Variants in GLDN observed in about 807,000 individuals in gnomAD.
GLDN encodes collomin.
GLDN carries 47 observed loss-of-function variants against 56.5 expected under a neutral mutation model. That is an observed-to-expected ratio of 0.83 (90% CI 0.66 to 1.06). The LOEUF (loss-of-function observed/expected upper bound fraction) is 1.06. Among genes scored for constraint, GLDN ranks in the 50% least tolerant of loss-of-function variants. GLDN has a pLI of 0.00. For synonymous variants in GLDN, 332 were observed against 278.8 expected, an observed-to-expected ratio of 1.19 and a Z score of -1.90; for missense variants, 782 against 714.3, an observed-to-expected ratio of 1.09 and a Z score of -1.08.
chr15:51,390,855 C>T (rs1469487533), intron 4 of GLDN, among the ~76,000 whole-genome samples: 3 of 152,020 alleles, frequency 2.0e-5, no homozygotes, highest in African/African-American at 4.8e-5. Flanking sequence ...CAGAATGTGC[C>T]AACTCAAAGC....
In GLDN at chr15:51,405,751, C is replaced by T. The variant is rs1256281000; in HGVS notation, c.*997C>T. ...ACCATGGGAAGCACTTTGCAGTGTT[C>T]AGAAGAGAGGCTCCATTTGTGGCTA... On this transcript the variant is annotated 3_prime_UTR_variant, in exon 10 of 10. Transcript: ENST00000335449. 1 of 152,208 alleles carries T rather than the reference C, an allele frequency of 6.6e-6. No homozygotes were observed. Among genetic ancestry groups the T allele is most frequent in the Admixed American group, 6.5e-5 (1 of 15,284 alleles). 9.4% of individuals were successfully genotyped at this position (152,208 alleles called of 1,614,324 possible). A position where few individuals can be genotyped will look rare whatever the true frequency, so the allele number is the denominator to read the frequency against.
chr15:51,388,726 C>T (rs1225820142), intron 4 of GLDN, among the ~76,000 whole-genome samples: 2 of 152,220 alleles, frequency 1.3e-5, no homozygotes, highest in African/African-American at 2.4e-5. Flanking sequence ...TGCTCTTAAC[C>T]ACAGTGACAC....
At chr15:51,377,352 G>T in intron 1 of GLDN, 97 bp from the exon 2 acceptor site, 1 of 1,008,976 alleles carries the variant, frequency 9.9e-7, no homozygotes, top group Non-Finnish European at 1.5e-6. Flanking sequence ...AAAGTTACTT[G>T]GTGACTTTTT....
At chr15:51,411,363 G>A (rs1356204697), downstream of GLDN, among the ~76,000 whole-genome samples, 3 of 152,232 alleles carry the variant, frequency 2.0e-5, no homozygotes, top group Admixed American at 6.5e-5. Flanking sequence ...GCTATGCCAA[G>A]GTTAGAACAT....
intron 1 of GLDN, among the ~76,000 whole-genome samples, chr15:51,352,938 C>CA (rs71127195): frequency 0.3 from 45,777 of 152,040 alleles, 8,874 homozygotes; most frequent in African/African-American, 0.53. Context: ...CTTTGTAAAA[C>CA]AAAAAAATTA....
intron 1 of GLDN, among the ~76,000 whole-genome samples, chr15:51,358,530 G>C (rs2037230150): frequency 6.6e-6 from 1 of 152,108 alleles, no homozygotes; most frequent in African/African-American, 2.4e-5. Flanking sequence ...AACAAGTGCG[G>C]GCAAAACTGC....
chr15:51,352,534 G>A (rs1292418883), intron 1 of GLDN, among the ~76,000 whole-genome samples: 1 of 152,108 alleles, frequency 6.6e-6, no homozygotes, highest in Non-Finnish European at 1.5e-5. Flanking sequence ...CAACTTGTCT[G>A]TTCATCTGTG....
intron 1 of GLDN, among the ~76,000 whole-genome samples, chr15:51,353,684 G>C (rs1396458568): frequency 5.7e-5 from 8 of 140,504 alleles, no homozygotes; most frequent in African/African-American, 2.2e-4. Context: ...TGCCAATGTG[G>C]GAACTATCAG....
intron 7 of GLDN, 48 bp from the exon 8 acceptor site, chr15:51,400,325 A>G (rs770636789): frequency 6.2e-7 from 1 of 1,614,144 alleles, no homozygotes; most frequent in South Asian, 1.1e-5. Context: ...GAATACCTTC[A>G]AGTCATAATT....
intron 1 of GLDN, among the ~76,000 whole-genome samples, chr15:51,353,433 T>C (rs1798765449): frequency 6.6e-6 from 1 of 152,224 alleles, no homozygotes; most frequent in Non-Finnish European, 1.5e-5. Flanking sequence ...TGGGTAGTTA[T>C]GCCTCTGCGT....
chr15:51,399,425 C>T (rs1223714748), intron 6 of GLDN, among the ~76,000 whole-genome samples: 1 of 152,218 alleles, frequency 6.6e-6, no homozygotes, highest in African/African-American at 2.4e-5. Flanking sequence ...CTCCTCCCTC[C>T]TCTCCCTCAG....
intron 9 of GLDN, 61 bp from the exon 10 acceptor site, chr15:51,404,216 T>A (rs1486087957): frequency 1.5e-6 from 2 of 1,340,496 alleles, no homozygotes; most frequent in African/African-American, 1.5e-5. Context: ...AGGAGCCTAA[T>A]AAACCACCTG....
chr15:51,409,937 A>T (rs543139476), downstream of GLDN, among the ~76,000 whole-genome samples: 1 of 152,224 alleles, frequency 6.6e-6, no homozygotes, highest in South Asian at 2.1e-4. Context: ...CTAGAGAAAT[A>T]TGCCAAACCC....
At chr15:51,362,484 T>TAAAAA (rs59898719) in intron 1 of GLDN, among the ~76,000 whole-genome samples, 3 of 131,842 alleles carry the variant, frequency 2.3e-5, no homozygotes, top group Non-Finnish European at 4.9e-5. Context: ...GACTCTGTCT[T>TAAAAA]AAAAAAAAAA....
intron 4 of GLDN, chr15:51,384,103 G>A (rs2037835826): frequency 1.7e-6 from 1 of 597,762 alleles, no homozygotes; most frequent in African/African-American, 1.9e-5. Flanking sequence ...TCAAACTGGA[G>A]AAGCCGTCTC....
chr15:51,361,197 TCCCTTCCTA>T (rs1454201196), intron 1 of GLDN, among the ~76,000 whole-genome samples: 3 of 152,174 alleles, frequency 2.0e-5, no homozygotes, highest in African/African-American at 4.8e-5. Flanking sequence ...AAAACACTCA[TCCCTTCCTA>T]CCCTAACTTC....
At chr15:51,378,103 T>C (rs1444506546) in intron 2 of GLDN, among the ~76,000 whole-genome samples, 1 of 152,150 alleles carries the variant, frequency 6.6e-6, no homozygotes, top group African/African-American at 2.4e-5. Context: ...CCCACCTCCC[T>C]CTCATTACCT....
chr15:51,398,766 A>C (rs2038188663), intron 6 of GLDN, among the ~76,000 whole-genome samples: 1 of 152,224 alleles, frequency 6.6e-6, no homozygotes, highest in South Asian at 2.1e-4. Flanking sequence ...CTCCCCAGCC[A>C]TTAGCATCGG....
At chr15:51,381,548 C>T (rs1168291257) in intron 2 of GLDN, among the ~76,000 whole-genome samples, 2 of 152,104 alleles carry the variant, frequency 1.3e-5, no homozygotes, top group Non-Finnish European at 2.9e-5. Context: ...CTATTTCTCC[C>T]AAAAGTCCCC....
Sources: allele counts gnomAD v4.1 joint callset (sites outside exome capture counted in the v4.1 genomes callset), GRCh38; gene constraint gnomAD v4.1.1; transcripts MANE v1.5; gene names NCBI Gene and HGNC (gene_info 2026-07-23, HGNC 2026-07-21).